DDX50: variants seen among roughly 807,000 people sequenced by gnomAD.
DDX50 encodes the protein DExD-box helicase 50, also known as ATP-dependent RNA helicase DDX50.
DDX50 carries 56 observed loss-of-function variants against 94.8 expected under a neutral mutation model. That is an observed-to-expected ratio of 0.59 (90% CI 0.48 to 0.74). The LOEUF (loss-of-function observed/expected upper bound fraction) is 0.74. Ranked by LOEUF, DDX50 falls within the 30% of genes least tolerant of loss-of-function variation. DDX50 has a pLI of 0.00. For synonymous variants in DDX50, 264 were observed against 295.4 expected, an observed-to-expected ratio of 0.89 and a Z score of 1.09; for missense variants, 713 against 881.2, an observed-to-expected ratio of 0.81 and a Z score of 2.42.
At chr10:68,901,540 C>T (rs1162596285) in intron 1 of DDX50, 69 bp downstream of exon 1, 1 of 1,473,112 alleles carries the variant, frequency 6.8e-7, no homozygotes, top group Non-Finnish European at 9.2e-7. Flanking sequence ...AACTGTCTGT[C>T]CCTGATGATG....
In DDX50 at chr10:68,946,817, T is replaced by TA. The variant is rs566025798; in HGVS notation, c.*194dup. ...CTACTTATCCAGTTATACCTTTGAA[T>TA]AAAAAAACCTCCTTTTATTGTCTCT... On this transcript the variant is annotated 3_prime_UTR_variant, in exon 15 of 15. Coordinates refer to ENST00000373585, the MANE Select transcript of DDX50 (RefSeq NM_024045.2). 1,799 of 680,918 alleles carry TA rather than the reference T, an allele frequency of 2.6e-3. 4 individuals carry two copies. Among genetic ancestry groups the TA allele is most frequent in the Non-Finnish European group, 3.7e-3 (1,568 of 426,752 alleles). The allele number at this position is 680,918 out of a possible 1,614,324, so 42.2% of individuals were successfully genotyped here.
Position 68,946,088 on chromosome 10 carries a change from ATATT to A in DDX50, c.1936-260_1936-257del, listed in dbSNP as rs375445098. 4.5e-3 allele frequency among the ~76,000 whole-genome samples: 685 copies of A among 152,126 alleles called. 12 individuals carry two copies. The highest frequency in any genetic ancestry group is 0.015 in the African/African-American group (635 of 41,532). On this transcript the variant is annotated intron_variant, in intron 14 of 14. Transcript: ENST00000373585. ...TATTTAGAATGTATATTTAGAATGT[ATATT>A]TATAGAATGTATTTAATTAGTACAT...
intron 12 of DDX50, among the ~76,000 whole-genome samples, chr10:68,940,465 G>A (rs1342801805): frequency 5.9e-5 from 9 of 151,726 alleles, no homozygotes; most frequent in Admixed American, 5.9e-4. Context: ...TGTCACCCAG[G>A]CTGGAGTGCA....
At chr10:68,939,630 T>C (rs1842509430) in intron 12 of DDX50, among the ~76,000 whole-genome samples, 2 of 152,176 alleles carry the variant, frequency 1.3e-5, no homozygotes, top group Admixed American at 6.6e-5. Context: ...ACTTTCATTG[T>C]CTTGAATGTT....
chr10:68,936,827 C>A, intron 11 of DDX50, 109 bp from the exon 12 acceptor site: 1 of 1,139,242 alleles, frequency 8.8e-7, no homozygotes. Flanking sequence ...GGTGACAGAG[C>A]AAGGCTCTAT....
At chr10:68,931,426 T>TATACACAC (rs375773633) in intron 8 of DDX50, among the ~76,000 whole-genome samples, 3 of 84,834 alleles carry the variant, frequency 3.5e-5, no homozygotes, top group Non-Finnish European at 4.5e-5. Context: ...TATATATATA[T>TATACACAC]ACACAAACAC....
rs1841897597 is a variant in DDX50, at chr10:68,919,915, G to A, written c.1173G>A (p.Arg391=). The A allele has an allele frequency of 6.2e-7, 1 of 1,613,974 alleles. No homozygotes were observed. Among genetic ancestry groups the A allele is most frequent in the Non-Finnish European group, 8.5e-7 (1 of 1,179,986 alleles). Residue 391 remains arginine (R), a synonymous_variant, in exon 8 of 15, where the codon AGG becomes AGA. Transcript: ENST00000373585. ...VLQVYSGSEG[R]AIIFCETKKN... is the part of the protein sequence containing the mutation. ...AAGTCTACAGTGGGTCTGAAGGGAG[G>A]GCTATTATTTTCTGTGAGACCAAGA...
chr10:68,901,593 C>A, intron 1 of DDX50, 122 bp downstream of exon 1: 1 of 1,052,590 alleles, frequency 9.5e-7, no homozygotes, highest in Non-Finnish European at 1.3e-6. Context: ...CCTCCCTTCG[C>A]GCCGCCCTCG....
rs542546667 is a variant in DDX50 at position 68,934,975 on chromosome 10, C to T, written c.1521+57C>T. 46 of 1,551,616 alleles carry T rather than the reference C, an allele frequency of 3.0e-5. No individual in the cohort carries two copies. Among genetic ancestry groups the T allele is most frequent in the Non-Finnish European group, 3.9e-5 (45 of 1,150,178 alleles). ...GTCTAAATGGTGCCTTAAAAGAGAG[C>T]TCTTCTTATATTTATTCTTACAAGT... On this transcript the variant is annotated intron_variant, in intron 10 of 14. Transcript: ENST00000373585. The surrounding 1 kb of genome is among the most constrained non-coding windows in gnomAD (Gnocchi z 4.0).
chr10:68,934,293 C>T lies in DDX50; in HGVS notation c.1334C>T (p.Thr445Ile). The T allele has an allele frequency of 6.2e-7, 1 of 1,613,690 alleles. No homozygotes were observed. Among genetic ancestry groups the T allele is most frequent in the Non-Finnish European group, 8.5e-7 (1 of 1,179,856 alleles). The change falls in exon 9 of 15, where the codon ACC becomes ATC. Residue 445 changes from threonine (T) to isoleucine (I), a missense_variant. Thr to Ile is a moderately conservative substitution (Grantham distance 89). This residue lies in a region of DDX50 where 428 missense variants were observed against 602.3 expected (regional missense o/e 0.71). Coordinates refer to ENST00000373585, the MANE Select transcript of DDX50 (RefSeq NM_024045.2). This position sits in a 1 kb window ranked among gnomAD's most constrained non-coding sequence, Gnocchi z 4.0. Reference sequence around the variant, plus strand: ...GGTAGTTTTAAAGTTTTGGTGGCAACCAATGTGGCTGCCCGTGGTTTGGAC... The same window carrying T: ...GGTAGTTTTAAAGTTTTGGTGGCAATCAATGTGGCTGCCCGTGGTTTGGAC... The part of the protein sequence containing the change: ...REGSFKVLVA[T>I]NVAARGLDIP...
Position 68,941,133 on chromosome 10 carries a change from G to A in DDX50, c.1829G>A (p.Arg610Lys), listed in dbSNP as rs142825342. The A allele has an allele frequency of 9.3e-6, 15 of 1,613,262 alleles. No individual in the cohort carries two copies. The highest frequency in any genetic ancestry group is 1.3e-5 in the Non-Finnish European group (15 of 1,179,926). The change falls in exon 13 of 15, where the codon AGA becomes AAA. Residue 610 changes from arginine to lysine, a missense_variant. By Grantham distance (26) the Arg-to-Lys change is conservative (BLOSUM62 2). Around this residue, in one of 2 missense-constraint regions of DDX50, gnomAD observed 428 missense variants for 602.3 expected, o/e 0.71. Transcript: ENST00000373585. ...AGCTGTGCTTGGAAAGAACTTAACA[G>A]AAAGCTGAGTAGTAATGCAGTGTCT... The part of the protein sequence containing the change: ...DVSCAWKELN[R>K]KLSSNAVSQI...
intron 12 of DDX50, among the ~76,000 whole-genome samples, chr10:68,940,325 G>A (rs1338337124): frequency 1.3e-5 from 2 of 151,016 alleles, no homozygotes; most frequent in Admixed American, 6.6e-5. Flanking sequence ...GGTGCAGTGA[G>A]CTGAGATCGT....
chr10:68,928,549 G>T (rs1458749985), intron 8 of DDX50, among the ~76,000 whole-genome samples: 1 of 152,136 alleles, frequency 6.6e-6, no homozygotes, highest in Non-Finnish European at 1.5e-5. Context: ...ATTTTGCGTA[G>T]TGCATTTCTT....
At chr10:68,931,432 A>ACACACACAC (rs1261998646) in intron 8 of DDX50, among the ~76,000 whole-genome samples, 6,140 of 61,458 alleles carry the variant, frequency 0.1, 660 homozygotes, top group Admixed American at 0.18. Flanking sequence ...TATATACACA[A>ACACACACAC]ACACACACAC....
At chr10:68,945,313 T>G (rs1842645554) in intron 14 of DDX50, among the ~76,000 whole-genome samples, 1 of 152,014 alleles carries the variant, frequency 6.6e-6, no homozygotes, top group Admixed American at 6.6e-5. Context: ...AACAACATTT[T>G]TTTTTTTTCT....
Position 68,932,399 on chromosome 10 carries a change from A to G in DDX50, c.1240-1800A>G, listed in dbSNP as rs553294682. On this transcript the variant is annotated intron_variant, in intron 8 of 14. Transcript: ENST00000373585. ...CTTAACCTCTCGAGTAGCTGGGATT[A>G]CAGGCATGCACCACCATACCTGGCT... is the stretch of plus-strand genomic sequence containing the variant. 9.9e-5 allele frequency among the ~76,000 whole-genome samples: 15 copies of G among 152,222 alleles called. No individual in the cohort carries two copies. The South Asian group carries it at 3.1e-3, about 32-fold the overall frequency.
At chr10:68,903,622 G>A (rs1015456964) in intron 1 of DDX50, among the ~76,000 whole-genome samples, 1 of 152,088 alleles carries the variant, frequency 6.6e-6, no homozygotes, top group Non-Finnish European at 1.5e-5. Flanking sequence ...CCAACATGGT[G>A]AAACTCCGTC....
intron 1 of DDX50, 84 bp from the exon 2 acceptor site, chr10:68,906,627 G>GT: frequency 6.9e-7 from 1 of 1,452,524 alleles, no homozygotes; most frequent in Non-Finnish European, 9.4e-7. Context: ...AGCTGAACTG[G>GT]TGGGGGAGTC....
At chr10:68,917,321 A>G (rs1008019587) in intron 7 of DDX50, among the ~76,000 whole-genome samples, 3 of 151,906 alleles carry the variant, frequency 2.0e-5, no homozygotes, top group Non-Finnish European at 4.4e-5. Flanking sequence ...TTAGCAAGGC[A>G]TGGTGGCACG....
Sources: gnomAD v4.1 joint callset for allele counts (sites outside exome capture counted in the v4.1 genomes callset) on GRCh38, gnomAD v4.1.1 for gene constraint, gnomAD v4.1.1 regional missense constraint, Gnocchi (gnomAD v3.1) non-coding constraint, MANE v1.5 for transcripts, NCBI Gene and HGNC (gene_info 2026-07-23, HGNC 2026-07-21) for gene names.